The following STRN variants were observed in gnomAD, a reference collection of about 807,000 sequenced individuals.
The protein encoded by STRN is protein phosphatase 2 regulatory subunit B'''alpha.
A neutral mutation model predicts 96.3 loss-of-function variants in STRN; 53 were observed. The observed-to-expected ratio is 0.55, with a 90% CI of 0.44 to 0.69. The LOEUF is 0.69. Among genes scored for constraint, STRN ranks in the 30% least tolerant of loss-of-function variants. STRN has a pLI of 0.00. For missense variants in STRN, 987 were observed against 963.9 expected, an observed-to-expected ratio of 1.02 and a Z score of -0.32; for synonymous variants, 428 against 355.9, an observed-to-expected ratio of 1.20 and a Z score of -2.28.
In STRN at chr2:36,848,344, T is replaced by G. The variant is rs1005822070; in HGVS notation, c.*1112A>C. 1 of 152,182 alleles carries G rather than the reference T, an allele frequency of 6.6e-6. No homozygotes were observed. Among genetic ancestry groups the G allele is most frequent in the Non-Finnish European group, 1.5e-5 (1 of 68,036 alleles). 9.4% of individuals were successfully genotyped at this position (152,182 alleles called of 1,614,324 possible). The stretch of plus-strand genomic sequence containing the variant: ...AGAGGACTTCTAGGGTACAAAATAT[T>G]TGTTTTTATTAGTGCTTCTGCAAAA... On this transcript the variant is annotated 3_prime_UTR_variant, in exon 18 of 18. Transcript: ENST00000263918.
At chr2:36,942,308 C>T (rs1670865638) in intron 1 of STRN, among the ~76,000 whole-genome samples, 1 of 152,040 alleles carries the variant, frequency 6.6e-6, no homozygotes, top group Non-Finnish European at 1.5e-5. Context: ...TATGTCATTG[C>T]TAAGCCACTG....
intron 1 of STRN, among the ~76,000 whole-genome samples, chr2:36,962,519 T>C (rs993498975): frequency 5.3e-5 from 8 of 151,276 alleles, no homozygotes; most frequent in Non-Finnish European, 1.2e-4. Context: ...GGCTCTTCTC[T>C]CCTTCACTAT....
intron 5 of STRN, among the ~76,000 whole-genome samples, chr2:36,901,017 AT>A (rs1452016554): frequency 6.6e-6 from 1 of 151,940 alleles, no homozygotes; most frequent in Non-Finnish European, 1.5e-5. Context: ...AAAAAAAAAA[AT>A]TGTAGAAACT....
At chr2:36,865,910 C>A (rs959646721) in intron 12 of STRN, among the ~76,000 whole-genome samples, 1 of 152,068 alleles carries the variant, frequency 6.6e-6, no homozygotes, top group Non-Finnish European at 1.5e-5. Context: ...TCCCTCTCAA[C>A]ACAGAATTTC....
intron 1 of STRN, among the ~76,000 whole-genome samples, chr2:36,952,104 C>A (rs762151483): frequency 6.6e-6 from 1 of 152,156 alleles, no homozygotes; most frequent in Non-Finnish European, 1.5e-5. Context: ...ATACAAAACT[C>A]GAATTAGCAT....
intron 1 of STRN, among the ~76,000 whole-genome samples, chr2:36,951,716 G>A (rs143600301): frequency 1.3e-5 from 2 of 152,282 alleles, no homozygotes; most frequent in Non-Finnish European, 2.9e-5. Flanking sequence ...ACTGACCTTA[G>A]AGAAATAAAA....
At chr2:36,939,023 G>A (rs968067815) in intron 1 of STRN, among the ~76,000 whole-genome samples, 5 of 151,100 alleles carry the variant, frequency 3.3e-5, no homozygotes, top group African/African-American at 1.2e-4. Flanking sequence ...GTCTTGCTCT[G>A]TCGCCAGGCT....
intron 3 of STRN, among the ~76,000 whole-genome samples, chr2:36,905,901 A>G (rs977797680): frequency 6.6e-6 from 1 of 152,228 alleles, no homozygotes; most frequent in African/African-American, 2.4e-5. Context: ...CAGAACAAAG[A>G]CTTATCCCAT....
chr2:36,921,873 A>G (rs544313654), intron 2 of STRN, among the ~76,000 whole-genome samples: 17 of 152,340 alleles, frequency 1.1e-4, no homozygotes, highest in African/African-American at 3.4e-4. Context: ...CAAGTGCTTA[A>G]CAACTAAATG....
chr2:36,886,638 G>C, intron 8 of STRN, 78 bp downstream of exon 8: 1 of 1,146,038 alleles, frequency 8.7e-7, no homozygotes, highest in Non-Finnish European at 1.3e-6. Flanking sequence ...AGTAGATTTA[G>C]GAAAACATTG....
chr2:36,959,805 A>G (rs1664984133), intron 1 of STRN, among the ~76,000 whole-genome samples: 1 of 152,194 alleles, frequency 6.6e-6, no homozygotes, highest in Admixed American at 6.5e-5. Context: ...GTGGTTCTCA[A>G]TCCTTGCTGT....
chr2:36,925,216 G>C lies in STRN; in HGVS notation c.235-8C>G. ...CAGGAAGGCAATCTGGGCCTGAGTA[G>C]GGGAAAGACAGAAAAAATTCAGTTT... On this transcript the variant is annotated splice_region_variant and splice_polypyrimidine_tract_variant and intron_variant, in intron 1 of 17. Transcript: ENST00000263918. 6.2e-7 allele frequency: 1 copy of C among 1,608,118 alleles called. No homozygotes were observed. The highest frequency in any genetic ancestry group is 8.5e-7 in the Non-Finnish European group (1 of 1,176,580).
At chr2:36,930,229 C>T (rs111728467) in intron 1 of STRN, among the ~76,000 whole-genome samples, 9 of 151,998 alleles carry the variant, frequency 5.9e-5, no homozygotes, top group African/African-American at 1.9e-4. Flanking sequence ...GTCAGGAGTT[C>T]GAGACCAGCC....
chr2:36,929,738 C>A (rs544096403), intron 1 of STRN, among the ~76,000 whole-genome samples: 1 of 152,198 alleles, frequency 6.6e-6, no homozygotes, highest in South Asian at 2.1e-4. Context: ...GGCTAGGATT[C>A]AAAATTGAAA....
At position 36,855,415 on chromosome 2, in the gene STRN, A is replaced by G. The variant is rs974756318; in HGVS notation, c.1838-63T>C. The stretch of plus-strand genomic sequence containing the variant: ...CCATCTACTTGACAATCTGCTTAAA[A>G]TAGAGCAAAACAAAAAATGGCATGG... On this transcript the variant is annotated intron_variant, in intron 14 of 17. Transcript: ENST00000263918. 4 of 1,558,016 alleles carry G rather than the reference A, an allele frequency of 2.6e-6. No homozygotes were observed. The African/African-American group carries it at 5.5e-5, about 21-fold the overall frequency.
At chr2:36,933,584 A>AGGG (rs1461589420) in intron 1 of STRN, among the ~76,000 whole-genome samples, 1 of 152,192 alleles carries the variant, frequency 6.6e-6, no homozygotes, top group Non-Finnish European at 1.5e-5. Context: ...GGCCCAATGT[A>AGGG]GGGGCTAAAT....
intron 1 of STRN, among the ~76,000 whole-genome samples, chr2:36,927,533 G>GT (rs900935512): frequency 6.9e-6 from 1 of 144,314 alleles, no homozygotes; most frequent in Admixed American, 7.0e-5. Context: ...AAGGGGGGGG[G>GT]GGGTGGTAAT....
intron 1 of STRN, among the ~76,000 whole-genome samples, chr2:36,935,782 C>G (rs994491020): frequency 1.3e-5 from 2 of 152,122 alleles, no homozygotes; most frequent in African/African-American, 4.8e-5. Context: ...GATAAAAGTT[C>G]AATCACAGTA....
intron 9 of STRN, among the ~76,000 whole-genome samples, chr2:36,883,397 T>C (rs549255449): frequency 6.6e-6 from 1 of 152,080 alleles, no homozygotes; most frequent in African/African-American, 2.4e-5. Context: ...GTGGAGGTTG[T>C]AGCGAGCCAA....
Sources: allele counts gnomAD v4.1 joint callset (sites outside exome capture counted in the v4.1 genomes callset), GRCh38; gene constraint gnomAD v4.1.1; transcripts MANE v1.5; gene names NCBI Gene and HGNC (gene_info 2026-07-23, HGNC 2026-07-21).